Variants in CUL5 observed in about 807,000 individuals in gnomAD.
CUL5 encodes the protein cullin 5.
CUL5 carries 26 observed loss-of-function variants against 108.8 expected under a neutral mutation model. The observed-to-expected ratio is 0.24, with a 90% CI of 0.18 to 0.33. The LOEUF (loss-of-function observed/expected upper bound fraction) is 0.33, where lower values mean the gene tolerates loss of function less well. Ranked by LOEUF, CUL5 falls within the 10% of genes least tolerant of loss-of-function variation. The pLI, the probability that CUL5 is intolerant of heterozygous loss-of-function variation, is 1.00. For missense variants in CUL5, 524 were observed against 909.2 expected, an observed-to-expected ratio of 0.58 and a Z score of 5.45; for synonymous variants, 334 against 298.0, an observed-to-expected ratio of 1.12 and a Z score of -1.25.
chr11:108,072,290 T>A, intron 8 of CUL5, 42 bp from the exon 9 acceptor site: 1 of 1,486,580 alleles, frequency 6.7e-7, no homozygotes, highest in Non-Finnish European at 9.2e-7. Context: ...ACTCTTACTC[T>A]AGTAAATGAA....
intron 13 of CUL5, 32 bp downstream of exon 13, chr11:108,089,655 TA>T: frequency 8.0e-7 from 1 of 1,245,894 alleles, no homozygotes; most frequent in Non-Finnish European, 1.1e-6. Context: ...TTTGGTTTTC[TA>T]ATACATTACA....
intron 7 of CUL5, among the ~76,000 whole-genome samples, chr11:108,063,792 G>A (rs997104623): frequency 2.6e-5 from 4 of 152,030 alleles, no homozygotes; most frequent in Admixed American, 6.6e-5. Context: ...CTCTGTATTA[G>A]TTTTTTGAGG....
intron 18 of CUL5, among the ~76,000 whole-genome samples, chr11:108,100,282 C>G (rs1200119943): frequency 2.6e-5 from 4 of 152,188 alleles, no homozygotes; most frequent in Non-Finnish European, 5.9e-5. Context: ...GTGGCTCACA[C>G]CTGTAATCCC....
chr11:108,048,807 C>G (rs1863135212), intron 3 of CUL5, among the ~76,000 whole-genome samples: 1 of 151,858 alleles, frequency 6.6e-6, no homozygotes, highest in South Asian at 2.1e-4. Flanking sequence ...GCTGAGATTA[C>G]AGGCGCATGC....
intron 13 of CUL5, among the ~76,000 whole-genome samples, chr11:108,090,415 TG>T (rs1170816246): frequency 6.6e-6 from 1 of 151,758 alleles, no homozygotes; most frequent in African/African-American, 2.4e-5. Context: ...GCATGAACCC[TG>T]GGGGGCGGAG....
chr11:108,050,026 G>C lies in CUL5; in HGVS notation c.371G>C (p.Ser124Thr). The C allele has an allele frequency of 6.2e-7, 1 of 1,612,754 alleles. No homozygotes were observed. Among genetic ancestry groups the C allele is most frequent in the Non-Finnish European group, 8.5e-7 (1 of 1,179,516 alleles). Residue 124 changes from serine (S) to threonine (T), a missense_variant, in exon 4 of 19, where the codon AGC (serine) becomes ACC (threonine). By Grantham distance (58) the Ser-to-Thr change is moderately conservative. This residue lies in a region of CUL5 where 170 missense variants were observed against 305.1 expected (regional missense o/e 0.56). Coordinates refer to ENST00000393094, the MANE Select transcript of CUL5 (RefSeq NM_003478.6). ...ATTACTTTAATGGGTAAACAGGGCA[G>C]CAATAAAAAATCAAATGTGGAAGAC... Reference protein sequence around the residue: ...LEITLMGKQGSNKKSNVEDSI... With the variant: ...LEITLMGKQGTNKKSNVEDSI...
At chr11:108,103,087 C>T (rs535854468) in intron 18 of CUL5, among the ~76,000 whole-genome samples, 1 of 152,336 alleles carries the variant, frequency 6.6e-6, no homozygotes, top group South Asian at 2.1e-4. Flanking sequence ...TGAGCCACCA[C>T]ACCCGGCATA....
At position 108,012,848 on chromosome 11, in the gene CUL5, C is replaced by T. The variant is rs146701631; in HGVS notation, c.24+3476C>T. Among the ~76,000 whole-genome samples the T allele has an allele frequency of 2.4e-3, 359 of 152,244 alleles. 3 individuals are homozygous for T. The highest frequency in any genetic ancestry group is 8.2e-3 in the African/African-American group (339 of 41,552). On this transcript the variant is annotated intron_variant, in intron 1 of 18. Transcript: ENST00000393094. ...CTGACCTCAAGCGATCCGCCTACCT[C>T]GGCCACCCAAAGTGTTGGGATTACA...
chr11:108,081,049 G>C (rs1864069372), intron 11 of CUL5, among the ~76,000 whole-genome samples: 1 of 152,062 alleles, frequency 6.6e-6, no homozygotes, highest in Non-Finnish European at 1.5e-5. Context: ...CACTTTGGGA[G>C]GCCAAAGCGG....
At chr11:108,087,589 G>T (rs1197606517) in intron 11 of CUL5, among the ~76,000 whole-genome samples, 1 of 152,112 alleles carries the variant, frequency 6.6e-6, no homozygotes, top group African/African-American at 2.4e-5. Flanking sequence ...GTGAGACCTT[G>T]TCTGAATTTA....
At chr11:108,048,118 ATT>A (rs199857275) in intron 3 of CUL5, among the ~76,000 whole-genome samples, 16 of 144,718 alleles carry the variant, frequency 1.1e-4, no homozygotes, top group African/African-American at 3.0e-4. Flanking sequence ...CGCTTAAGAA[ATT>A]TTTTTTTTTT....
rs1324683172 is a variant in CUL5, at chr11:108,098,417, A to T, written c.2036A>T (p.Lys679Met). Reference sequence around the variant, plus strand: ...AATTCTTTTTGTAGAAAAAATGCAAAGGTTCAGAAAAGGGGTAAAATCAAC... The same window carrying T: ...AATTCTTTTTGTAGAAAAAATGCAATGGTTCAGAAAAGGGGTAAAATCAAC... ...NQEFSLIKNA[K>M]VQKRGKINLI... The change falls in exon 18 of 19, where the codon AAG becomes ATG. Residue 679 changes from lysine (K) to methionine (M), a missense_variant. Lys to Met is a moderately conservative substitution (Grantham distance 95). This residue lies in a region of CUL5 where 66 missense variants were observed against 81.4 expected (regional missense o/e 0.81). Transcript: ENST00000393094. 1 of 1,602,848 alleles carries T rather than the reference A, an allele frequency of 6.2e-7. No homozygotes were observed. The highest frequency in any genetic ancestry group is 1.1e-5 in the South Asian group (1 of 88,384).
intron 1 of CUL5, among the ~76,000 whole-genome samples, chr11:108,026,792 C>T (rs1312966689): frequency 6.6e-6 from 1 of 151,914 alleles, no homozygotes; most frequent in Admixed American, 6.6e-5. Flanking sequence ...AGTTCGAGAC[C>T]ACCCTGGCCA....
intron 11 of CUL5, among the ~76,000 whole-genome samples, chr11:108,086,702 A>G (rs1864229559): frequency 1.3e-5 from 2 of 152,216 alleles, no homozygotes; most frequent in East Asian, 1.9e-4. Flanking sequence ...TGGAAGTATC[A>G]CAGCAGTTTT....
chr11:108,033,005 C>T lies in CUL5; in HGVS notation c.25-797C>T, dbSNP rs1341967490. Reference sequence around the variant, plus strand: ...CTGTAAGCTTGGGGGATTCCCAAAACCACTCTCAGGTTTGATAATTCATTA... The same window carrying T: ...CTGTAAGCTTGGGGGATTCCCAAAATCACTCTCAGGTTTGATAATTCATTA... On this transcript the variant is annotated intron_variant, in intron 1 of 18. Transcript: ENST00000393094. Among the ~76,000 whole-genome samples, 7 of 152,172 alleles carry T rather than the reference C, an allele frequency of 4.6e-5. No individual in the cohort carries two copies. In the East Asian group the frequency reaches 1.2e-3, roughly 25 times the overall value.
chr11:108,093,859 C>T (rs943287139), intron 13 of CUL5, among the ~76,000 whole-genome samples: 7 of 152,144 alleles, frequency 4.6e-5, no homozygotes, highest in Non-Finnish European at 8.8e-5. Flanking sequence ...GCCGCCATAT[C>T]CTGCTAACTT....
intron 3 of CUL5, among the ~76,000 whole-genome samples, chr11:108,047,371 A>G (rs1290996024): frequency 1.3e-5 from 2 of 152,150 alleles, no homozygotes; most frequent in Non-Finnish European, 2.9e-5. Context: ...GCTAGGCTAG[A>G]ATTTCTTATT....
intron 10 of CUL5, among the ~76,000 whole-genome samples, chr11:108,077,385 G>A (rs1452420823): frequency 2.6e-5 from 4 of 152,192 alleles, no homozygotes; most frequent in South Asian, 4.2e-4. Flanking sequence ...GGTGGCTTAC[G>A]CCTGTAATCC....
At chr11:108,093,640 A>T (rs1374858168) in intron 13 of CUL5, among the ~76,000 whole-genome samples, 3 of 152,274 alleles carry the variant, frequency 2.0e-5, no homozygotes, top group Non-Finnish European at 2.9e-5. Context: ...GAAACTGCAT[A>T]CTTTGCTGTC....
Sources: gnomAD v4.1 joint callset for allele counts (sites outside exome capture counted in the v4.1 genomes callset) on GRCh38, gnomAD v4.1.1 for gene constraint, gnomAD v4.1.1 regional missense constraint, MANE v1.5 for transcripts, NCBI Gene and HGNC (gene_info 2026-07-23, HGNC 2026-07-21) for gene names.